Variants in SCAI observed in about 807,000 individuals in gnomAD.
SCAI encodes the protein protein SCAI.
A neutral mutation model predicts 92.2 loss-of-function variants in SCAI; 24 were observed. The observed-to-expected ratio is 0.26, with a 90% CI of 0.19 to 0.37. The LOEUF is 0.37. SCAI is among the 10% of genes least tolerant of loss of function. SCAI has a pLI of 1.00. For missense variants in SCAI, 450 were observed against 736.2 expected (o/e 0.61, Z 4.50); for synonymous variants, 261 against 258.6 (o/e 1.01, Z -0.09).
At chr9:125,116,887 T>C (rs894194581) in intron 2 of SCAI, among the ~76,000 whole-genome samples, 4 of 152,192 alleles carry the variant, frequency 2.6e-5, no homozygotes, top group African/African-American at 4.8e-5. Context: ...AAATAAAGAA[T>C]GTCTGAACTC....
chr9:125,063,664 G>A (rs1221198317), intron 2 of SCAI, among the ~76,000 whole-genome samples: 1 of 150,854 alleles, frequency 6.6e-6, no homozygotes. Context: ...AGGCGACACT[G>A]ACTTTAAGTC....
intron 3 of SCAI, among the ~76,000 whole-genome samples, chr9:125,048,262 G>A (rs1036241136): frequency 6.6e-6 from 1 of 152,110 alleles, no homozygotes; most frequent in Non-Finnish European, 1.5e-5. Context: ...ACAGGCAAGA[G>A]CCACTATGCC....
intron 2 of SCAI, among the ~76,000 whole-genome samples, chr9:125,109,505 C>T (rs1588231053): frequency 6.6e-6 from 1 of 152,254 alleles, no homozygotes; most frequent in African/African-American, 2.4e-5. Flanking sequence ...ACTATACTTT[C>T]AATTCACCAT....
chr9:125,071,202 TA>T (rs968823307), intron 2 of SCAI, among the ~76,000 whole-genome samples: 2 of 152,118 alleles, frequency 1.3e-5, no homozygotes, highest in African/African-American at 4.8e-5. Flanking sequence ...GAAAATGGAC[TA>T]ATGTACTATC....
intron 14 of SCAI, among the ~76,000 whole-genome samples, chr9:124,991,310 C>A (rs1272508613): frequency 7.5e-6 from 1 of 132,672 alleles, no homozygotes; most frequent in Admixed American, 8.7e-5. Context: ...CGAGATCATG[C>A]CACTGCACTC....
intron 2 of SCAI, among the ~76,000 whole-genome samples, chr9:125,125,909 TAC>T (rs10554292): frequency 0.38 from 52,745 of 137,696 alleles, 9,816 homozygotes; most frequent in East Asian, 0.48. Flanking sequence ...TGCGTACACG[TAC>T]ACACACACAC....
chr9:125,068,228 T>C (rs1185292885), intron 2 of SCAI, among the ~76,000 whole-genome samples: 2 of 152,152 alleles, frequency 1.3e-5, no homozygotes, highest in African/African-American at 4.8e-5. Flanking sequence ...AAGCCAGGCA[T>C]GGTGGCTCAC....
chr9:125,042,626 TGTGTGTGTACACACACAC>T (rs1309436196), intron 3 of SCAI, among the ~76,000 whole-genome samples: 12 of 100,176 alleles, frequency 1.2e-4, no homozygotes, highest in African/African-American at 5.3e-4. Flanking sequence ...TGTGTGTGTG[TGTGTGTGTACACACACAC>T]ACACACACAC....
intron 3 of SCAI, among the ~76,000 whole-genome samples, chr9:125,054,962 T>TGA (rs1194914877): frequency 1.3e-5 from 2 of 152,116 alleles, no homozygotes; most frequent in Non-Finnish European, 2.9e-5. Context: ...GCAAATCAAA[T>TGA]GAATATAGGA....
At chr9:125,122,185 CCTA>C (rs1218265460) in intron 2 of SCAI, among the ~76,000 whole-genome samples, 2 of 152,196 alleles carry the variant, frequency 1.3e-5, no homozygotes, top group Non-Finnish European at 2.9e-5. Flanking sequence ...TAGGATTTCT[CCTA>C]CTATGCTTTC....
chr9:125,026,937 A>G lies in SCAI; in HGVS notation c.414-27T>C, dbSNP rs377289665. ...TATGAGAAAAAATATATTTTTAAATATGACAGTGTCAGAGACTCTTCACCA... is the reference window on the plus strand; with the variant it reads ...TATGAGAAAAAATATATTTTTAAATGTGACAGTGTCAGAGACTCTTCACCA... On this transcript the variant is annotated intron_variant, in intron 5 of 17. Transcript: ENST00000336505. The G allele has an allele frequency of 5.9e-6, 8 of 1,350,122 alleles. No individual in the cohort carries two copies. In the African/African-American group the frequency reaches 1.0e-4, roughly 17 times the overall value. 83.6% of individuals were successfully genotyped at this position (1,350,122 alleles called of 1,614,324 possible).
At chr9:125,127,186 C>T (rs1261902160) in intron 2 of SCAI, among the ~76,000 whole-genome samples, 5 of 152,142 alleles carry the variant, frequency 3.3e-5, no homozygotes, top group African/African-American at 1.2e-4. Context: ...GCCTGTACAT[C>T]AGAATCCCCA....
chr9:124,994,487 G>A (rs1167036428), intron 14 of SCAI, among the ~76,000 whole-genome samples: 1 of 152,176 alleles, frequency 6.6e-6, no homozygotes, highest in Non-Finnish European at 1.5e-5. Context: ...AAAATCAAGT[G>A]CATGTAAAAC....
rs113469003 is a variant in SCAI, at chr9:125,010,146, C to T, written c.862-6576G>A. On this transcript the variant is annotated intron_variant, in intron 9 of 17. Transcript: ENST00000336505. ...ATTTCTGCATTTCCATCTGAGGTAC[C>T]GGGTTCATCTCACTAGGGAGCACGC... Among the ~76,000 whole-genome samples, 6 of 152,286 alleles carry T rather than the reference C, an allele frequency of 3.9e-5. No individual in the cohort carries two copies. In the South Asian group the frequency reaches 6.2e-4, roughly 16 times the overall value.
intron 2 of SCAI, among the ~76,000 whole-genome samples, chr9:125,059,261 A>G (rs1833728639): frequency 6.6e-6 from 1 of 152,166 alleles, no homozygotes; most frequent in African/African-American, 2.4e-5. Flanking sequence ...AAGTTGGGGG[A>G]CATTCTACAA....
At chr9:125,094,312 T>C (rs943861277) in intron 2 of SCAI, among the ~76,000 whole-genome samples, 1 of 152,206 alleles carries the variant, frequency 6.6e-6, no homozygotes, top group Admixed American at 6.6e-5. Flanking sequence ...ACTGCTCTCC[T>C]TGCTGTTTCA....
At chr9:124,985,956 G>A (rs1397246208) in intron 14 of SCAI, among the ~76,000 whole-genome samples, 1 of 151,674 alleles carries the variant, frequency 6.6e-6, no homozygotes, top group Non-Finnish European at 1.5e-5. Flanking sequence ...TATTAAGTTT[G>A]AAGAAATAAG....
chr9:125,019,060 G>T lies in SCAI; in HGVS notation c.708+47C>A, dbSNP rs774515014. On this transcript the variant is annotated intron_variant, in intron 8 of 17. Coordinates refer to ENST00000336505, the MANE Select transcript of SCAI (RefSeq NM_001144877.3). Reference sequence around the variant, plus strand: ...CACACAATAAAAACATAAACTACACGGTCATTTATTTATCAATAATTATGA... The same window carrying T: ...CACACAATAAAAACATAAACTACACTGTCATTTATTTATCAATAATTATGA... 5.3e-6 allele frequency: 8 copies of T among 1,513,670 alleles called. No homozygotes were observed. In the Admixed American group the frequency reaches 1.5e-4, roughly 28 times the overall value. 93.8% of individuals were successfully genotyped at this position (1,513,670 alleles called of 1,614,324 possible). A position where few individuals can be genotyped will look rare whatever the true frequency, so the allele number is the denominator to read the frequency against.
chr9:125,083,495 G>A (rs970596522), intron 2 of SCAI, among the ~76,000 whole-genome samples: 1 of 145,014 alleles, frequency 6.9e-6, no homozygotes, highest in Non-Finnish European at 1.5e-5. Flanking sequence ...TCCAGCCTAT[G>A]CGACACAGTG....
Sources: allele counts gnomAD v4.1 joint callset (sites outside exome capture counted in the v4.1 genomes callset), GRCh38; gene constraint gnomAD v4.1.1; transcripts MANE v1.5; gene names NCBI Gene and HGNC (gene_info 2026-07-23, HGNC 2026-07-21).